The following DISC1 variants were observed in gnomAD, a reference collection of about 807,000 sequenced individuals.
DISC1 encodes the protein DISC1 scaffold protein.
DISC1 carries 57 observed loss-of-function variants against 84.5 expected under a neutral mutation model. The ratio of observed to expected loss-of-function variants is 0.67; its 90% CI spans 0.55 to 0.84. The LOEUF (loss-of-function observed/expected upper bound fraction) is 0.84, where lower values mean the gene tolerates loss of function less well. Among genes scored for constraint, DISC1 ranks in the 40% least tolerant of loss-of-function variants. DISC1 has a pLI of 0.00. For missense variants in DISC1, 1,000 were observed against 1,057.8 expected (o/e 0.95, Z 0.76); for synonymous variants, 411 against 415.2 (o/e 0.99, Z 0.12).
chr1:231,842,850 T>A (rs1446920265), intron 9 of DISC1, among the ~76,000 whole-genome samples: 1 of 152,188 alleles, frequency 6.6e-6, no homozygotes, highest in Non-Finnish European at 1.5e-5. Flanking sequence ...AGGATTATGA[T>A]TCAAATTTGG....
chr1:232,025,943 T>C (rs1028079388), intron 11 of DISC1, among the ~76,000 whole-genome samples: 17 of 152,122 alleles, frequency 1.1e-4, no homozygotes, highest in African/African-American at 4.1e-4. Flanking sequence ...ATACACCTCA[T>C]GGCACTTAAA....
intron 10 of DISC1, among the ~76,000 whole-genome samples, chr1:231,973,103 G>A (rs567695163): frequency 6.7e-6 from 1 of 149,832 alleles, no homozygotes; most frequent in East Asian, 2.0e-4. Context: ...CTGGAGTGCA[G>A]TGGTGTAATC....
intron 9 of DISC1, among the ~76,000 whole-genome samples, chr1:231,854,108 A>G (rs1019370077): frequency 6.6e-6 from 1 of 152,136 alleles, no homozygotes; most frequent in Non-Finnish European, 1.5e-5. Context: ...ACCAACTCAC[A>G]AATACATAAA....
At chr1:232,029,390 A>G (rs1182661321) in intron 12 of DISC1, among the ~76,000 whole-genome samples, 2 of 152,352 alleles carry the variant, frequency 1.3e-5, no homozygotes, top group South Asian at 2.1e-4. Context: ...ACAAGGCTCT[A>G]CGGAGGCTCC....
At chr1:231,951,293 G>A (rs1402138225) in intron 9 of DISC1, among the ~76,000 whole-genome samples, 1 of 152,188 alleles carries the variant, frequency 6.6e-6, no homozygotes, top group Non-Finnish European at 1.5e-5. Flanking sequence ...CTTTTGGACA[G>A]GCTGATTTCC....
intron 9 of DISC1, among the ~76,000 whole-genome samples, chr1:231,949,201 T>C (rs1046500443): frequency 2.0e-5 from 3 of 152,198 alleles, no homozygotes; most frequent in African/African-American, 7.2e-5. Flanking sequence ...TACTTGTTCA[T>C]CACCCATGTA....
chr1:231,764,714 A>G (rs2076029969), intron 4 of DISC1, among the ~76,000 whole-genome samples: 1 of 152,176 alleles, frequency 6.6e-6, no homozygotes, highest in Non-Finnish European at 1.5e-5. Context: ...TTTGTGTAAA[A>G]CTATGATTAT....
At chr1:231,893,504 C>T (rs995593412) in intron 9 of DISC1, among the ~76,000 whole-genome samples, 6 of 152,048 alleles carry the variant, frequency 3.9e-5, no homozygotes, top group African/African-American at 1.4e-4. Flanking sequence ...AACAAACAGC[C>T]CCCAAATCTC....
chr1:231,982,571 G>A (rs1402412883), intron 10 of DISC1, among the ~76,000 whole-genome samples: 1 of 152,188 alleles, frequency 6.6e-6, no homozygotes, highest in Admixed American at 6.5e-5. Flanking sequence ...AACTCAGATA[G>A]TCATGGTGCT....
chr1:231,755,729 T>C, intron 4 of DISC1, among the ~76,000 whole-genome samples: 1 of 152,226 alleles, frequency 6.6e-6, no homozygotes, highest in East Asian at 1.9e-4. Context: ...GCAAGGACTC[T>C]GAGGCATCTC....
At chr1:231,668,448 G>A (rs1312659245) in intron 1 of DISC1, among the ~76,000 whole-genome samples, 1 of 152,116 alleles carries the variant, frequency 6.6e-6, no homozygotes, top group African/African-American at 2.4e-5. Flanking sequence ...TTCACCTCAA[G>A]CGGCCATTCC....
In DISC1 at chr1:231,954,307, G is replaced by A. The variant is rs1558776107; in HGVS notation, c.1982-4521G>A. ...TGCCAAGTATATGGTCTTGCATGAAGGAGGACCCAGATTGAACTCCTGTAG... is the reference window on the plus strand; with the variant it reads ...TGCCAAGTATATGGTCTTGCATGAAAGAGGACCCAGATTGAACTCCTGTAG... On this transcript the variant is annotated intron_variant, in intron 9 of 12. Coordinates refer to ENST00000439617, the MANE Select transcript of DISC1 (RefSeq NM_018662.3). The surrounding 1 kb of genome is among the most constrained non-coding windows in gnomAD (Gnocchi z 4.8). 6.6e-6 allele frequency among the ~76,000 whole-genome samples: 1 copy of A among 152,186 alleles called. No homozygotes were observed. Among genetic ancestry groups the A allele is most frequent in the African/African-American group, 2.4e-5 (1 of 41,448 alleles).
intron 7 of DISC1, among the ~76,000 whole-genome samples, chr1:231,799,212 GATAAA>G (rs541460187): frequency 6.6e-6 from 1 of 152,098 alleles, no homozygotes; most frequent in South Asian, 2.1e-4. Context: ...GAAAATACAT[GATAAA>G]ACTCTCAAAC....
At chr1:232,025,618 A>G (rs1456647361) in intron 11 of DISC1, among the ~76,000 whole-genome samples, 5 of 140,708 alleles carry the variant, frequency 3.6e-5, no homozygotes, top group Admixed American at 7.3e-5. Context: ...TTTTTTTGAG[A>G]CGGAGTCTCG....
rs1480725534 is a variant in DISC1 at position 232,031,140 on chromosome 1, GGGAGAGA to G, written c.2425+4597_2425+4603del. Among the ~76,000 whole-genome samples, 3 of 147,554 alleles carry G rather than the reference GGGAGAGA, an allele frequency of 2.0e-5. No homozygotes were observed. The highest frequency in any genetic ancestry group is 1.4e-4 in the Admixed American group (2 of 14,736). Reference sequence around the variant, plus strand: ...AGGGAGGGAAGGAAGGAAGGAAGGAGGGAGAGAGGAGAGAGAGAGAGAGAACAGGAAG... The same window carrying G: ...AGGGAGGGAAGGAAGGAAGGAAGGAGGGAGAGAGAGAGAGAGAACAGGAAG... On this transcript the variant is annotated intron_variant, in intron 12 of 12. Transcript: ENST00000439617. This position sits in a 1 kb window ranked among gnomAD's most constrained non-coding sequence, Gnocchi z 4.6.
chr1:231,837,977 A>G (rs1174007375), intron 9 of DISC1, among the ~76,000 whole-genome samples: 1 of 152,088 alleles, frequency 6.6e-6, no homozygotes, highest in Admixed American at 6.6e-5. Context: ...TTTTTTCTCT[A>G]AGACAGGCTA....
At chr1:231,957,101 A>G (rs1247976512) in intron 9 of DISC1, among the ~76,000 whole-genome samples, 1 of 152,152 alleles carries the variant, frequency 6.6e-6, no homozygotes, top group South Asian at 2.1e-4. Context: ...TGCTGTGGCC[A>G]TTTTGAGACT....
chr1:231,865,982 A>G (rs547276838), intron 9 of DISC1, among the ~76,000 whole-genome samples: 1 of 152,344 alleles, frequency 6.6e-6, no homozygotes, highest in Middle Eastern at 3.4e-3. Flanking sequence ...TAGGCAGACT[A>G]TAGTTCACAT....
intron 9 of DISC1, among the ~76,000 whole-genome samples, chr1:231,886,077 G>A (rs942024619): frequency 1.1e-4 from 16 of 152,304 alleles, no homozygotes; most frequent in African/African-American, 3.4e-4. Context: ...GGGGGGCCAA[G>A]TTGTCCTTTT....
Sources: gnomAD v4.1 joint callset for allele counts (sites outside exome capture counted in the v4.1 genomes callset) on GRCh38, gnomAD v4.1.1 for gene constraint, Gnocchi (gnomAD v3.1) non-coding constraint, MANE v1.5 for transcripts, NCBI Gene and HGNC (gene_info 2026-07-23, HGNC 2026-07-21) for gene names.